The following PTPN1 variants were observed in gnomAD, a reference collection of about 807,000 sequenced individuals.
PTPN1 encodes the protein tyrosine-protein phosphatase non-receptor type 1.
In PTPN1, 12 loss-of-function variants were observed where a neutral mutation model predicts 59.9. That is an observed-to-expected ratio of 0.20 (90% CI 0.13 to 0.32). The LOEUF (loss-of-function observed/expected upper bound fraction) is 0.32. Ranked by LOEUF, PTPN1 falls within the 10% of genes least tolerant of loss-of-function variation. PTPN1 has a pLI of 1.00. For synonymous variants in PTPN1, 178 were observed against 203.6 expected (o/e 0.87, Z 1.07); for missense variants, 356 against 549.2 (o/e 0.65, Z 3.52).
intron 1 of PTPN1, among the ~76,000 whole-genome samples, chr20:50,528,798 T>A (rs890150105): frequency 1.3e-5 from 2 of 149,874 alleles, no homozygotes; most frequent in African/African-American, 4.9e-5. Flanking sequence ...AATGAATAGA[T>A]GAGAATGCTG....
At chr20:50,580,673 A>C (rs562577853) in intron 8 of PTPN1, among the ~76,000 whole-genome samples, 1 of 152,198 alleles carries the variant, frequency 6.6e-6, no homozygotes, top group South Asian at 2.1e-4. Context: ...AGACGTGTGC[A>C]TACTTGACCC....
intron 1 of PTPN1, among the ~76,000 whole-genome samples, chr20:50,517,802 C>T (rs2122720097): frequency 6.6e-6 from 1 of 152,246 alleles, no homozygotes; most frequent in East Asian, 1.9e-4. Context: ...ATTCTAAATC[C>T]TTCTTGAGGA....
At chr20:50,579,143 C>T (rs752200006) in intron 6 of PTPN1, 25 bp from the exon 7 acceptor site, 1 of 1,612,826 alleles carries the variant, frequency 6.2e-7, no homozygotes. Context: ...ACCTGGCTGA[C>T]TTATATCTCC....
At position 50,584,674 on chromosome 20, in the gene PTPN1, G is replaced by C. The variant is rs2082889935; in HGVS notation, c.*1959G>C. 1 of 152,252 alleles carries C rather than the reference G, an allele frequency of 6.6e-6. No homozygotes were observed. The highest frequency in any genetic ancestry group is 6.5e-5 in the Admixed American group (1 of 15,294). The allele number at this position is 152,252 out of a possible 1,614,324, so 9.4% of individuals were successfully genotyped here. A position where few individuals can be genotyped will look rare whatever the true frequency, so the allele number is the denominator to read the frequency against. ...GGGTCTTCTGTGACCTCACAGAACT[G>C]TCAGACTGTACAGTTTTCCAACTTG... On this transcript the variant is annotated 3_prime_UTR_variant, in exon 10 of 10. Coordinates refer to ENST00000371621, the MANE Select transcript of PTPN1 (RefSeq NM_002827.4).
intron 1 of PTPN1, among the ~76,000 whole-genome samples, chr20:50,528,880 T>C (rs1449196525): frequency 6.6e-6 from 1 of 152,202 alleles, no homozygotes; most frequent in African/African-American, 2.4e-5. Context: ...TGTTGAACCA[T>C]GTGTTACCCA....
chr20:50,530,386 C>G (rs981211709), intron 1 of PTPN1, among the ~76,000 whole-genome samples: 2 of 152,000 alleles, frequency 1.3e-5, no homozygotes, highest in African/African-American at 4.8e-5. Context: ...GAGATGGAGT[C>G]TTGCTCTGTC....
intron 5 of PTPN1, among the ~76,000 whole-genome samples, chr20:50,575,315 C>T (rs1295430087): frequency 6.6e-6 from 1 of 152,164 alleles, no homozygotes; most frequent in Non-Finnish European, 1.5e-5. Context: ...GAAGAGTGGC[C>T]AGCCACCAAC....
At position 50,582,735 on chromosome 20, in the gene PTPN1, AC is replaced by A. The variant is rs945645270; in HGVS notation, c.*22del. On this transcript the variant is annotated 3_prime_UTR_variant, in exon 10 of 10. Coordinates refer to ENST00000371621, the MANE Select transcript of PTPN1 (RefSeq NM_002827.4). The surrounding 1 kb of genome is among the most constrained non-coding windows in gnomAD (Gnocchi z 4.2). ...ACATAGCCTGACCCTCCTCCACTCC[AC>A]CTCCACCCACTGTCCGCCTCTGCCC... 5 of 1,612,564 alleles carry A rather than the reference AC, an allele frequency of 3.1e-6. No individual in the cohort carries two copies. In the African/African-American group the frequency reaches 6.7e-5, roughly 22 times the overall value.
chr20:50,540,682 T>C (rs117899123), intron 1 of PTPN1, among the ~76,000 whole-genome samples: 1,616 of 152,194 alleles, frequency 0.011, 12 homozygotes, highest in Middle Eastern at 0.017. Context: ...ATCCAGGAAA[T>C]AAGCTGCTAC....
At chr20:50,538,975 A>G (rs931799593) in intron 1 of PTPN1, among the ~76,000 whole-genome samples, 1 of 143,282 alleles carries the variant, frequency 7.0e-6, no homozygotes, top group Non-Finnish European at 1.5e-5. Flanking sequence ...ACATCCTTCT[A>G]TCTTAGACCT....
chr20:50,569,403 G>A (rs2082795420), intron 4 of PTPN1, among the ~76,000 whole-genome samples: 1 of 152,200 alleles, frequency 6.6e-6, no homozygotes, highest in Non-Finnish European at 1.5e-5. Context: ...ACCCCTGGAC[G>A]GCTGCCCCCA....
chr20:50,517,794 T>C (rs1337158174), intron 1 of PTPN1, among the ~76,000 whole-genome samples: 1 of 152,206 alleles, frequency 6.6e-6, no homozygotes, highest in African/African-American at 2.4e-5. Flanking sequence ...GCTGGGAAAT[T>C]CTAAATCCTT....
intron 1 of PTPN1, among the ~76,000 whole-genome samples, chr20:50,518,152 AC>A (rs2082537128): frequency 6.6e-6 from 1 of 152,200 alleles, no homozygotes. Flanking sequence ...GCAGAATCTT[AC>A]TTAAAAGTCA....
chr20:50,569,829 T>G (rs929152150), intron 4 of PTPN1, among the ~76,000 whole-genome samples: 3 of 152,250 alleles, frequency 2.0e-5, no homozygotes, highest in African/African-American at 7.2e-5. Context: ...ACCATCTGCC[T>G]GTGCAGGCGC....
At chr20:50,552,687 AAT>A (rs1491446797) in intron 1 of PTPN1, among the ~76,000 whole-genome samples, 78 of 112,884 alleles carry the variant, frequency 6.9e-4, no homozygotes, top group African/African-American at 2.4e-3. Context: ...GGAAAAAAAA[AAT>A]TTTTTTTTTT....
chr20:50,547,438 A>T (rs1250072551), intron 1 of PTPN1, among the ~76,000 whole-genome samples: 4 of 151,820 alleles, frequency 2.6e-5, no homozygotes, highest in Middle Eastern at 3.4e-3. Context: ...ATCTCGGCTC[A>T]CTGCAACCTC....
At chr20:50,578,915 G>A (rs1243768725) in intron 6 of PTPN1, among the ~76,000 whole-genome samples, 1 of 152,216 alleles carries the variant, frequency 6.6e-6, no homozygotes, top group East Asian at 1.9e-4. Context: ...GTGAAGGGGA[G>A]CAGGAGCAAG....
chr20:50,522,900 C>G (rs1406851546), intron 1 of PTPN1, among the ~76,000 whole-genome samples: 2 of 151,438 alleles, frequency 1.3e-5, no homozygotes, highest in South Asian at 2.1e-4. Flanking sequence ...ATTACAGGTG[C>G]CTGCCACGAT....
chr20:50,524,457 G>T (rs1016195687), intron 1 of PTPN1, among the ~76,000 whole-genome samples: 2 of 148,704 alleles, frequency 1.3e-5, no homozygotes, highest in East Asian at 3.9e-4. Context: ...GAAAACATGT[G>T]CCTAGTTCAC....
Sources: allele counts gnomAD v4.1 joint callset (sites outside exome capture counted in the v4.1 genomes callset), GRCh38; gene constraint gnomAD v4.1.1; non-coding constraint Gnocchi (gnomAD v3.1); transcripts MANE v1.5; gene names NCBI Gene and HGNC (gene_info 2026-07-23, HGNC 2026-07-21).